Variants in CTNNA1 observed in about 807,000 individuals in gnomAD.
CTNNA1 encodes the protein catenin alpha 1.
CTNNA1 carries 37 observed loss-of-function variants against 98.4 expected under a neutral mutation model. The observed-to-expected ratio is 0.38, with a 90% confidence interval of 0.29 to 0.49. CTNNA1 has a LOEUF of 0.49. Among genes scored for constraint, CTNNA1 ranks in the 20% least tolerant of loss-of-function variants. The pLI, the probability that CTNNA1 is intolerant of heterozygous loss-of-function variation, is 0.95. For missense variants in CTNNA1, 761 were observed against 1,147.2 expected (o/e 0.66, Z 4.86); for synonymous variants, 404 against 413.2 (o/e 0.98, Z 0.27).
intron 3 of CTNNA1, among the ~76,000 whole-genome samples, chr5:138,801,845 G>T: frequency 6.6e-6 from 1 of 152,288 alleles, no homozygotes; most frequent in Admixed American, 6.5e-5. Flanking sequence ...AATATAAAGG[G>T]AAGAAATAGC....
Position 138,836,009 on chromosome 5 carries a change from C to T in CTNNA1, c.1062+8291C>T, listed in dbSNP as rs552720765. ...GGGTTTAGAGGCTTGTGTTACTAAG[C>T]CTAGCTAATTTTTGTATTTTTAGTA... is the stretch of plus-strand genomic sequence containing the variant. On this transcript the variant is annotated intron_variant, in intron 7 of 17. Transcript: ENST00000302763. Among the ~76,000 whole-genome samples the T allele has an allele frequency of 8.5e-5, 13 of 152,258 alleles. No homozygotes were observed. The South Asian group carries it at 2.7e-3, about 32-fold the overall frequency.
At chr5:138,867,488 A>G (rs1203137917) in intron 7 of CTNNA1, among the ~76,000 whole-genome samples, 3 of 152,222 alleles carry the variant, frequency 2.0e-5, no homozygotes, top group Admixed American at 6.5e-5. Context: ...TAGCAAGCCA[A>G]GGACATTATA....
At chr5:138,927,969 G>C (rs1433988491) in intron 13 of CTNNA1, among the ~76,000 whole-genome samples, 4 of 152,052 alleles carry the variant, frequency 2.6e-5, no homozygotes, top group Non-Finnish European at 4.4e-5. Flanking sequence ...CCGACATGCT[G>C]TCTGGTCCCC....
At chr5:138,928,969 G>C (rs1453563358) in intron 13 of CTNNA1, among the ~76,000 whole-genome samples, 1 of 151,756 alleles carries the variant, frequency 6.6e-6, no homozygotes, top group Non-Finnish European at 1.5e-5. Context: ...GTCTTACAAA[G>C]AAATAGTGAA....
intron 7 of CTNNA1, among the ~76,000 whole-genome samples, chr5:138,858,678 C>G (rs1429069335): frequency 1.4e-5 from 2 of 145,590 alleles, no homozygotes; most frequent in Admixed American, 7.2e-5. Flanking sequence ...TCACTGCAAC[C>G]TCCGCCTCCC....
intron 17 of CTNNA1, among the ~76,000 whole-genome samples, chr5:138,933,167 C>G (rs1440986854): frequency 6.6e-6 from 1 of 152,144 alleles, no homozygotes; most frequent in African/African-American, 2.4e-5. Context: ...AACAAAACTT[C>G]CTTTTCTTCC....
At chr5:138,833,824 A>C (rs1360951480) in intron 7 of CTNNA1, among the ~76,000 whole-genome samples, 1 of 152,230 alleles carries the variant, frequency 6.6e-6, no homozygotes, top group Admixed American at 6.5e-5. Context: ...GGACCTTGTA[A>C]GGATAATGTT....
At chr5:138,804,285 G>GT (rs923001663) in intron 3 of CTNNA1, among the ~76,000 whole-genome samples, 11 of 152,062 alleles carry the variant, frequency 7.2e-5, no homozygotes, top group Non-Finnish European at 1.2e-4. Flanking sequence ...TTCAATACTG[G>GT]TTTTTTTTCC....
chr5:138,933,042 A>C (rs1765731645), intron 17 of CTNNA1: 2 of 752,040 alleles, frequency 2.7e-6, no homozygotes, highest in Non-Finnish European at 4.9e-6. Context: ...GCTGAGACAC[A>C]ATAATTACTT....
chr5:138,858,295 T>C (rs1763912867), intron 7 of CTNNA1, among the ~76,000 whole-genome samples: 1 of 151,908 alleles, frequency 6.6e-6, no homozygotes, highest in Non-Finnish European at 1.5e-5. Context: ...CCTGGTTAAT[T>C]TTTTTATTTT....
chr5:138,755,841 CCTTCTTTTTTT>C (rs1751576294), intron 1 of CTNNA1, among the ~76,000 whole-genome samples: 6 of 121,748 alleles, frequency 4.9e-5, no homozygotes, highest in Admixed American at 2.7e-4. Flanking sequence ...TTTGGGATTT[CCTTCTTTTTTT>C]TTTTTTTTTT....
chr5:138,765,801 T>G (rs1402478065), intron 1 of CTNNA1, among the ~76,000 whole-genome samples: 1 of 151,658 alleles, frequency 6.6e-6, no homozygotes, highest in East Asian at 1.9e-4. Flanking sequence ...ATATAAAAAT[T>G]AGCTGGGCAT....
chr5:138,909,788 A>G (rs1561714390), intron 10 of CTNNA1, among the ~76,000 whole-genome samples: 1 of 152,120 alleles, frequency 6.6e-6, no homozygotes, highest in Non-Finnish European at 1.5e-5. Context: ...TGTGGCTGAC[A>G]TGCTTGACAC....
intron 10 of CTNNA1, among the ~76,000 whole-genome samples, chr5:138,908,810 C>T (rs1401564766): frequency 2.6e-5 from 4 of 152,036 alleles, no homozygotes; most frequent in Non-Finnish European, 4.4e-5. Context: ...GCATTGCCTT[C>T]TACTTGATGG....
At chr5:138,779,767 G>A (rs973647082) in intron 1 of CTNNA1, among the ~76,000 whole-genome samples, 9 of 150,842 alleles carry the variant, frequency 6.0e-5, no homozygotes, top group Non-Finnish European at 1.2e-4. Flanking sequence ...CCAGGCTGGA[G>A]TGCAGTGGTG....
rs148815192 is a variant in CTNNA1, at chr5:138,867,617, G to A, written c.1063-18595G>A. 7.2e-5 allele frequency among the ~76,000 whole-genome samples: 11 copies of A among 152,244 alleles called. No homozygotes were observed. The East Asian group carries it at 1.9e-3, about 27-fold the overall frequency. On this transcript the variant is annotated intron_variant, in intron 7 of 17. Transcript: ENST00000302763. ...ACCTGTGATAACCCTGAGACAGTAA[G>A]ACTGACTCCTTTTCTTTCTCTTCCT...
At chr5:138,932,372 G>A (rs966667135) in intron 16 of CTNNA1, 409 of 1,404,136 alleles carry the variant, frequency 2.9e-4, no homozygotes, top group Middle Eastern at 1.0e-3. Flanking sequence ...AGGGTCCCAT[G>A]GACGACTTCC....
intron 7 of CTNNA1, among the ~76,000 whole-genome samples, chr5:138,837,555 G>GTCTTC (rs1002708915): frequency 8.4e-5 from 10 of 119,228 alleles, no homozygotes; most frequent in East Asian, 5.7e-4. Flanking sequence ...CCACTCCTCC[G>GTCTTC]TCTTCTCTTC....
intron 7 of CTNNA1, among the ~76,000 whole-genome samples, chr5:138,830,055 T>G (rs2149791373): frequency 6.6e-6 from 1 of 152,084 alleles, no homozygotes; most frequent in East Asian, 1.9e-4. Flanking sequence ...TAGTCCCAGC[T>G]GCTCTGGAGG....
Sources: allele counts gnomAD v4.1 joint callset (sites outside exome capture counted in the v4.1 genomes callset), GRCh38; gene constraint gnomAD v4.1.1; transcripts MANE v1.5; gene names NCBI Gene and HGNC (gene_info 2026-07-23, HGNC 2026-07-21).